Variants in PHKB observed in about 807,000 individuals in gnomAD.
PHKB encodes phosphorylase b kinase regulatory subunit beta.
In PHKB, 122 loss-of-function variants were observed where a neutral mutation model predicts 152.1. That is an observed-to-expected ratio of 0.80 (90% confidence interval 0.69 to 0.93). PHKB has a LOEUF of 0.93. Among genes scored for constraint, PHKB ranks in the 40% least tolerant of loss-of-function variants. PHKB has a pLI of 0.00. For missense variants in PHKB, 1,304 were observed against 1,328.4 expected (o/e 0.98, Z 0.29); for synonymous variants, 436 against 464.9 (o/e 0.94, Z 0.80).
chr16:47,557,459 G>C (rs533925791), intron 7 of PHKB, among the ~76,000 whole-genome samples: 1 of 152,142 alleles, frequency 6.6e-6, no homozygotes, highest in South Asian at 2.1e-4. Flanking sequence ...CTACAAAATG[G>C]GAGAAAATTT....
chr16:47,522,910 T>C (rs1485383698), intron 6 of PHKB, among the ~76,000 whole-genome samples: 1 of 151,916 alleles, frequency 6.6e-6, no homozygotes, highest in African/African-American at 2.4e-5. Flanking sequence ...CTTGGTATGA[T>C]CTCTGTACAT....
chr16:47,608,273 C>T (rs996501514), intron 13 of PHKB, among the ~76,000 whole-genome samples: 9 of 152,136 alleles, frequency 5.9e-5, no homozygotes, highest in Non-Finnish European at 1.3e-4. Context: ...CAAAGACTTA[C>T]TTCTATATTG....
chr16:47,559,716 A>G (rs370620742), intron 7 of PHKB, among the ~76,000 whole-genome samples: 1 of 152,154 alleles, frequency 6.6e-6, no homozygotes, highest in Non-Finnish European at 1.5e-5. Context: ...TTTCCTGTCT[A>G]TGACCTAGAC....
At chr16:47,667,643 C>T (rs1368032829) in intron 25 of PHKB, among the ~76,000 whole-genome samples, 2 of 152,088 alleles carry the variant, frequency 1.3e-5, no homozygotes, top group Non-Finnish European at 2.9e-5. Context: ...TGAACCAAGC[C>T]ACCTCTGAAA....
intron 1 of PHKB, among the ~76,000 whole-genome samples, chr16:47,481,693 A>G (rs1232008775): frequency 6.6e-6 from 1 of 152,226 alleles, no homozygotes; most frequent in Admixed American, 6.5e-5. Flanking sequence ...TTTAATATGC[A>G]CTGTGTGTTG....
At chr16:47,606,850 CT>C (rs1972333709) in intron 13 of PHKB, among the ~76,000 whole-genome samples, 2 of 152,284 alleles carry the variant, frequency 1.3e-5, no homozygotes, top group African/African-American at 4.8e-5. Flanking sequence ...GAACCACAGA[CT>C]TAGTGCCTTC....
rs570800497 is a variant in PHKB at position 47,610,897 on chromosome 16, G to A, written c.1435G>A (p.Val479Met). 1.3e-5 allele frequency: 21 copies of A among 1,592,982 alleles called. No individual in the cohort carries two copies. Among genetic ancestry groups the A allele is most frequent in the African/African-American group, 2.7e-5 (2 of 74,494 alleles). ...RYVPLKDQRN[V>M]SMRFSNQGPL... is the part of the protein sequence containing the mutation. ...TGTCCCACTAAAGGATCAACGTAACGTGAGCATGAGGTTTTCCAATCAGGT... is the reference window on the plus strand; with the variant it reads ...TGTCCCACTAAAGGATCAACGTAACATGAGCATGAGGTTTTCCAATCAGGT... Residue 479 changes from valine (V) to methionine (M), a missense_variant, in exon 14 of 31, where the codon GTG becomes ATG. By Grantham distance (21) the Val-to-Met change is conservative. Transcript: ENST00000323584.
chr16:47,650,548 C>A lies in PHKB; in HGVS notation c.1802C>A (p.Ala601Glu), dbSNP rs192099645. 48 of 1,585,004 alleles carry A rather than the reference C, an allele frequency of 3.0e-5. No homozygotes were observed. In the African/African-American group the frequency reaches 5.8e-4, roughly 19 times the overall value. Residue 601 changes from alanine (A) to glutamate (E), a missense_variant, in exon 19 of 31, where the codon GCG becomes GAG. By Grantham distance (107) the Ala-to-Glu change is moderately radical. Coordinates refer to ENST00000323584, the MANE Select transcript of PHKB (RefSeq NM_000293.3). ...CTACCTCATTCTGTTTGACAGAATG[C>A]GCTGCAGTTCATTAAACAATATTGG... ...VFLLIDDIKN[A>E]LQFIKQYWKM...
intron 27 of PHKB, among the ~76,000 whole-genome samples, chr16:47,691,468 G>T (rs1178024919): frequency 3.3e-5 from 5 of 152,226 alleles, no homozygotes. Flanking sequence ...AATTTGGGAG[G>T]CTGAAGCAGG....
At chr16:47,492,636 G>T (rs543745663) in intron 1 of PHKB, among the ~76,000 whole-genome samples, 1 of 152,266 alleles carries the variant, frequency 6.6e-6, no homozygotes, top group Admixed American at 6.5e-5. Flanking sequence ...TGGCAGGGAG[G>T]GGAGGGTGGC....
Position 47,698,557 on chromosome 16 carries a change from A to T in PHKB, c.3113A>T (p.Asp1038Val), listed in dbSNP as rs1478325401. Reference sequence around the variant, plus strand: ...GAAGCATTTAATGAATTTCAAAAAGATCAGAGTCGGCTAAAGGAAATTGAA... The same window carrying T: ...GAAGCATTTAATGAATTTCAAAAAGTTCAGAGTCGGCTAAAGGAAATTGAA... The part of the protein sequence containing the change: ...VKEAFNEFQK[D>V]QSRLKEIEKQ... Residue 1038 changes from aspartate (D) to valine (V), a missense_variant, in exon 30 of 31, where the codon GAT becomes GTT. Coordinates refer to ENST00000323584, the MANE Select transcript of PHKB (RefSeq NM_000293.3). 2 of 1,606,880 alleles carry T rather than the reference A, an allele frequency of 1.2e-6. No homozygotes were observed. Among genetic ancestry groups the T allele is most frequent in the Non-Finnish European group, 1.7e-6 (2 of 1,175,616 alleles).
intron 7 of PHKB, chr16:47,566,394 A>T: frequency 6.3e-7 from 1 of 1,577,434 alleles, no homozygotes; most frequent in Non-Finnish European, 8.7e-7. Context: ...AGCAACGTCC[A>T]CTCAAATTCT....
chr16:47,563,079 T>A (rs143508024), intron 7 of PHKB, among the ~76,000 whole-genome samples: 6 of 152,184 alleles, frequency 3.9e-5, no homozygotes, highest in Middle Eastern at 6.8e-3. Context: ...TCTAGTTCTT[T>A]TGCTATTTCC....
rs779288751 is a variant in PHKB, at chr16:47,664,917, A to G, written c.2369A>G (p.Gln790Arg). 6 of 1,613,924 alleles carry G rather than the reference A, an allele frequency of 3.7e-6. No individual in the cohort carries two copies. Among genetic ancestry groups the G allele is most frequent in the Non-Finnish European group, 4.2e-6 (5 of 1,179,870 alleles). Residue 790 changes from glutamine (Q) to arginine (R), a missense_variant, in exon 25 of 31, where the codon CAG becomes CGG. Gln to Arg is a conservative substitution (Grantham distance 43). Transcript: ENST00000323584. Reference protein sequence around the residue: ...LAVRYGAAFTQKFSSSIAPHI... With the variant: ...LAVRYGAAFTRKFSSSIAPHI... ...GTGCGCTACGGGGCTGCATTTACCC[A>G]GAAATTTTCTTCCTCTATAGCCCCA...
rs1410803942 is a variant in PHKB at position 47,645,913 on chromosome 16, C to CACTTTT, written c.1609-2617_1609-2612dup. On this transcript the variant is annotated intron_variant, in intron 16 of 30. Coordinates refer to ENST00000323584, the MANE Select transcript of PHKB (RefSeq NM_000293.3). Reference sequence around the variant, plus strand: ...TGGAGAGGATGTGGAGAAATAGGAACACTTTTACACTGTTGGTGGGACTGT... The same window carrying CACTTTT: ...TGGAGAGGATGTGGAGAAATAGGAACACTTTTACTTTTACACTGTTGGTGGGACTGT... 6.3e-5 allele frequency among the ~76,000 whole-genome samples: 5 copies of CACTTTT among 78,784 alleles called. 1 individual carries two copies. In the East Asian group the frequency reaches 1.9e-3, roughly 30 times the overall value. The allele number at this position is 78,784 out of a possible 152,430, so 51.7% of individuals were successfully genotyped here.
chr16:47,661,797 G>T lies in PHKB; in HGVS notation c.2275G>T (p.Glu759Ter). Reference sequence around the variant, plus strand: ...AGAAGGCCCCAACTTCATCACAAAGGAAGGTAAGCATGCATGTCTAGGAGA... The same window carrying T: ...AGAAGGCCCCAACTTCATCACAAAGTAAGGTAAGCATGCATGTCTAGGAGA... ...KREGPNFITK[E>*]GTVSDHIERV... Residue 759 changes from glutamate (E) to a stop codon, truncating the protein, a stop_gained, in exon 23 of 31, where the codon GAA becomes TAA. Coordinates refer to ENST00000323584, the MANE Select transcript of PHKB (RefSeq NM_000293.3). LOFTEE classifies it high-confidence loss of function. 1 of 1,608,250 alleles carries T rather than the reference G, an allele frequency of 6.2e-7. No individual in the cohort carries two copies.
chr16:47,640,923 A>G (rs1973007470), intron 14 of PHKB, 112 bp from the exon 15 acceptor site: 4 of 995,328 alleles, frequency 4.0e-6, no homozygotes, highest in Non-Finnish European at 6.4e-6. Context: ...GCTGGTGTCC[A>G]TCATTTTAAT....
At chr16:47,554,844 C>T (rs1015616399) in intron 7 of PHKB, among the ~76,000 whole-genome samples, 3 of 152,196 alleles carry the variant, frequency 2.0e-5, no homozygotes, top group Non-Finnish European at 4.4e-5. Context: ...CTGTGGGCTG[C>T]ACCCACTATC....
intron 6 of PHKB, among the ~76,000 whole-genome samples, chr16:47,522,488 A>C (rs1026041237): frequency 6.6e-6 from 1 of 151,792 alleles, no homozygotes; most frequent in African/African-American, 2.4e-5. Flanking sequence ...TTTTCAAAAA[A>C]TCAATTTTTG....
Sources: gnomAD v4.1 joint callset for allele counts (sites outside exome capture counted in the v4.1 genomes callset) on GRCh38, gnomAD v4.1.1 for gene constraint, MANE v1.5 for transcripts, NCBI Gene and HGNC (gene_info 2026-07-23, HGNC 2026-07-21) for gene names.